The following STK32B variants were observed in gnomAD, a reference collection of about 807,000 sequenced individuals.
STK32B encodes the protein serine/threonine kinase 32B.
Under a neutral mutation model 52.6 loss-of-function variants are expected in STK32B, and 43 were observed. The observed-to-expected ratio is 0.82, with a 90% CI of 0.64 to 1.05. The LOEUF (loss-of-function observed/expected upper bound fraction) is 1.05, where lower values mean the gene tolerates loss of function less well. Among genes scored for constraint, STK32B ranks in the 50% least tolerant of loss-of-function variants. The pLI, the probability that STK32B is intolerant of heterozygous loss-of-function variation, is 0.00. For synonymous variants in STK32B, 238 were observed against 204.3 expected (o/e 1.17, Z -1.41); for missense variants, 621 against 534.6 (o/e 1.16, Z -1.59).
At chr4:5,240,503 A>T (rs1490892715) in intron 3 of STK32B, among the ~76,000 whole-genome samples, 2 of 152,156 alleles carry the variant, frequency 1.3e-5, no homozygotes, top group Non-Finnish European at 2.9e-5. Context: ...TCTGTCACCC[A>T]GGATGGAGTG....
At chr4:5,352,631 A>C (rs1271955952) in intron 4 of STK32B, among the ~76,000 whole-genome samples, 4 of 140,454 alleles carry the variant, frequency 2.8e-5, no homozygotes, top group Admixed American at 2.8e-4. Flanking sequence ...AAAAAAAAAA[A>C]CGTCCAAACT....
chr4:5,320,522 A>G (rs901906333), intron 3 of STK32B, among the ~76,000 whole-genome samples: 3 of 152,158 alleles, frequency 2.0e-5, no homozygotes, highest in African/African-American at 7.2e-5. Context: ...CAGCCTTGAA[A>G]CTCAATATAA....
chr4:5,430,024 A>G lies in STK32B; in HGVS notation c.562+13090A>G, dbSNP rs150204438. Among the ~76,000 whole-genome samples the G allele has an allele frequency of 4.0e-3, 611 of 151,658 alleles. 2 individuals carry two copies. The highest frequency in any genetic ancestry group is 0.014 in the African/African-American group (572 of 41,348). On this transcript the variant is annotated intron_variant, in intron 6 of 11. Transcript: ENST00000282908. ...CTCCAAGATTTTCTCCCTCTTTTTG[A>G]TTTTAGATATGATGTACCAAGGCAT...
chr4:5,377,758 C>T (rs1735675134), intron 4 of STK32B, among the ~76,000 whole-genome samples: 1 of 152,128 alleles, frequency 6.6e-6, no homozygotes. Context: ...CTTGCTCACT[C>T]TCTCTTGCCA....
intron 3 of STK32B, among the ~76,000 whole-genome samples, chr4:5,173,754 G>T (rs1370541149): frequency 6.6e-6 from 1 of 152,210 alleles, no homozygotes; most frequent in Non-Finnish European, 1.5e-5. Flanking sequence ...TAGGTGTGGT[G>T]TGGTGCTGAA....
the STK32B span, among the ~76,000 whole-genome samples, chr4:5,023,760 C>T: frequency 2.6e-5 from 4 of 152,250 alleles, no homozygotes; most frequent in South Asian, 2.1e-4. Context: ...TATCTCCTCC[C>T]GGTGGCCATT....
At chr4:5,489,251 G>A (rs1208517612) in intron 11 of STK32B, among the ~76,000 whole-genome samples, 2 of 152,072 alleles carry the variant, frequency 1.3e-5, no homozygotes, top group East Asian at 3.8e-4. Context: ...TTACCTATGA[G>A]AATTGAGATA....
intron 4 of STK32B, among the ~76,000 whole-genome samples, chr4:5,369,607 G>A (rs1200963210): frequency 6.6e-6 from 1 of 152,054 alleles, no homozygotes; most frequent in African/African-American, 2.4e-5. Flanking sequence ...GGAAGAAAAG[G>A]TATAGCTCCT....
intron 3 of STK32B, among the ~76,000 whole-genome samples, chr4:5,216,719 G>C (rs758745008): frequency 6.6e-6 from 1 of 152,210 alleles, no homozygotes; most frequent in Non-Finnish European, 1.5e-5. Context: ...GAAGGAGCTG[G>C]AGGTGCCTTC....
chr4:5,186,361 A>G (rs1056438583), intron 3 of STK32B, among the ~76,000 whole-genome samples: 2 of 152,154 alleles, frequency 1.3e-5, no homozygotes, highest in Non-Finnish European at 2.9e-5. Flanking sequence ...TCTCCCTAGC[A>G]TCTGACGTTC....
intron 1 of STK32B, among the ~76,000 whole-genome samples, chr4:5,104,416 C>A (rs1459852827): frequency 6.6e-6 from 1 of 152,190 alleles, no homozygotes; most frequent in African/African-American, 2.4e-5. Flanking sequence ...TCTCAGGTGT[C>A]TTTATTAGCA....
At chr4:5,285,062 G>A (rs1728459422) in intron 3 of STK32B, among the ~76,000 whole-genome samples, 1 of 152,134 alleles carries the variant, frequency 6.6e-6, no homozygotes, top group South Asian at 2.1e-4. Flanking sequence ...ATAAAGTACA[G>A]TATTGTAAAT....
chr4:5,264,669 C>A (rs1726946516), intron 3 of STK32B, among the ~76,000 whole-genome samples: 1 of 151,948 alleles, frequency 6.6e-6, no homozygotes, highest in Admixed American at 6.6e-5. Context: ...CGCCTGTAGT[C>A]CCAGCTGCTC....
intron 4 of STK32B, among the ~76,000 whole-genome samples, chr4:5,392,412 C>T (rs997218559): frequency 5.3e-5 from 8 of 152,140 alleles, no homozygotes; most frequent in East Asian, 1.9e-4. Flanking sequence ...GGTGACAAAG[C>T]GAGACTCCAT....
intron 5 of STK32B, among the ~76,000 whole-genome samples, chr4:5,415,117 G>T (rs1420728654): frequency 6.6e-6 from 1 of 152,154 alleles, no homozygotes; most frequent in Non-Finnish European, 1.5e-5. Context: ...GAGGGTGCAG[G>T]AGATAGATTT....
At chr4:5,374,797 G>A (rs1462441927) in intron 4 of STK32B, among the ~76,000 whole-genome samples, 1 of 151,130 alleles carries the variant, frequency 6.6e-6, no homozygotes, top group Non-Finnish European at 1.5e-5. Context: ...GAACACCAAC[G>A]TTCAAACCAC....
chr4:5,317,822 C>T (rs1387307108), intron 3 of STK32B, among the ~76,000 whole-genome samples: 6 of 151,896 alleles, frequency 4.0e-5, no homozygotes, highest in South Asian at 2.1e-4. Flanking sequence ...GTTCAGTAGG[C>T]ATTCATCTAA....
intron 3 of STK32B, among the ~76,000 whole-genome samples, chr4:5,257,407 TTAAG>T (rs549603143): frequency 4.1e-4 from 63 of 152,112 alleles, no homozygotes; most frequent in African/African-American, 1.5e-3. Flanking sequence ...GAGTGAATGA[TTAAG>T]TGAGTGAATG....
chr4:5,466,265 G>A (rs1232424733), intron 9 of STK32B, among the ~76,000 whole-genome samples: 5 of 152,208 alleles, frequency 3.3e-5, no homozygotes, highest in African/African-American at 4.8e-5. Flanking sequence ...GCGGGGGTAC[G>A]GAGCAGGGAA....
Sources: gnomAD v4.1 joint callset for allele counts (sites outside exome capture counted in the v4.1 genomes callset) on GRCh38, gnomAD v4.1.1 for gene constraint, MANE v1.5 for transcripts, NCBI Gene and HGNC (gene_info 2026-07-23, HGNC 2026-07-21) for gene names.